Variants in DYRK1A observed in about 807,000 individuals in gnomAD.
The protein encoded by DYRK1A is dual specificity tyrosine phosphorylation regulated kinase 1A.
In DYRK1A, 9 loss-of-function variants were observed where a neutral mutation model predicts 79.7. The observed-to-expected ratio is 0.11, with a 90% confidence interval of 0.07 to 0.20. The LOEUF (loss-of-function observed/expected upper bound fraction) is 0.20, where lower values mean the gene tolerates loss of function less well. Among genes scored for constraint, DYRK1A ranks in the 10% least tolerant of loss-of-function variants. DYRK1A has a pLI of 1.00. For synonymous variants in DYRK1A, 349 were observed against 329.7 expected, an observed-to-expected ratio of 1.06 and a Z score of -0.63; for missense variants, 622 against 956.0, an observed-to-expected ratio of 0.65 and a Z score of 4.61.
At chr21:37,477,940 C>T (rs2052458677) in intron 3 of DYRK1A, among the ~76,000 whole-genome samples, 1 of 152,216 alleles carries the variant, frequency 6.6e-6, no homozygotes, top group African/African-American at 2.4e-5. Context: ...GTCTGCATTT[C>T]TACCACTTTA....
intron 2 of DYRK1A, 142 bp downstream of exon 2, chr21:37,420,526 ATTTG>A: frequency 1.3e-6 from 1 of 797,908 alleles, no homozygotes; most frequent in Non-Finnish European, 2.0e-6. Flanking sequence ...TAGTTGGGCT[ATTTG>A]TTAAACTTAC....
chr21:37,459,334 A>C (rs2051762608), intron 2 of DYRK1A, among the ~76,000 whole-genome samples: 1 of 152,232 alleles, frequency 6.6e-6, no homozygotes, highest in South Asian at 2.1e-4. Context: ...AGTTAAACTT[A>C]CTGAAGGCTG....
intron 1 of DYRK1A, among the ~76,000 whole-genome samples, chr21:37,411,975 T>C (rs897410682): frequency 6.6e-6 from 1 of 152,226 alleles, no homozygotes; most frequent in African/African-American, 2.4e-5. Context: ...TTATTGAACA[T>C]GTACTGCGAT....
At chr21:37,505,071 T>C in intron 9 of DYRK1A, 1 of 537,378 alleles carries the variant, frequency 1.9e-6, no homozygotes, top group Non-Finnish European at 3.3e-6. Flanking sequence ...TAAATGATCT[T>C]TATAGCCATT....
intron 9 of DYRK1A, among the ~76,000 whole-genome samples, chr21:37,501,172 T>C (rs1357668031): frequency 4.9e-5 from 7 of 141,744 alleles, no homozygotes; most frequent in Non-Finnish European, 1.1e-4. Flanking sequence ...GTTGGTTTTT[T>C]TTTTTTTTTT....
Position 37,373,960 on chromosome 21 carries a change from C to A in DYRK1A, c.-77+6332C>A, listed in dbSNP as rs1053464205. The stretch of plus-strand genomic sequence containing the variant: ...AATAAGTTTATTTTCTGTATTTAAT[C>A]ATTAATTTTTTAAACTATGGTATGT... On this transcript the variant is annotated intron_variant, in intron 1 of 11. Coordinates refer to ENST00000647188, the MANE Select transcript of DYRK1A (RefSeq NM_001347721.2). 2.0e-5 allele frequency among the ~76,000 whole-genome samples: 3 copies of A among 152,270 alleles called. No homozygotes were observed. In the South Asian group the frequency reaches 6.2e-4, roughly 32 times the overall value.
intron 2 of DYRK1A, among the ~76,000 whole-genome samples, chr21:37,440,575 T>C (rs549566947): frequency 2.6e-5 from 4 of 152,378 alleles, no homozygotes; most frequent in East Asian, 3.9e-4. Flanking sequence ...AATTTTGATA[T>C]ATTTTATTTT....
At chr21:37,438,602 G>C (rs1252123379) in intron 2 of DYRK1A, among the ~76,000 whole-genome samples, 1 of 152,040 alleles carries the variant, frequency 6.6e-6, no homozygotes, top group Non-Finnish European at 1.5e-5. Flanking sequence ...CCACTGAATT[G>C]CCTTTGCACC....
intron 9 of DYRK1A, among the ~76,000 whole-genome samples, chr21:37,499,541 TC>T (rs1226631986): frequency 6.6e-6 from 1 of 152,228 alleles, no homozygotes; most frequent in Non-Finnish European, 1.5e-5. Flanking sequence ...TATTAAGTCT[TC>T]CACTCTGTAA....
intron 1 of DYRK1A, among the ~76,000 whole-genome samples, chr21:37,370,934 T>C (rs541811999): frequency 3.3e-5 from 5 of 152,308 alleles, no homozygotes; most frequent in Admixed American, 6.5e-5. Flanking sequence ...ATATGGTGGT[T>C]TTGCCTTTTA....
At position 37,476,825 on chromosome 21, in the gene DYRK1A, C is replaced by CCCG. The variant is rs1555978527; in HGVS notation, c.208-1381_208-1380insGCC. ...AGTATAATCACCAAGGGTTCCCCCC[C>CCCG]CCCCCAACCTTATTTGGAATTAAGA... On this transcript the variant is annotated intron_variant, in intron 3 of 11. Coordinates refer to ENST00000647188, the MANE Select transcript of DYRK1A (RefSeq NM_001347721.2). Among the ~76,000 whole-genome samples, 94 of 145,628 alleles carry CCCG rather than the reference C, an allele frequency of 6.5e-4. 2 individuals are homozygous for CCCG. Among genetic ancestry groups the CCCG allele is most frequent in the African/African-American group, 2.2e-3 (84 of 38,106 alleles).
At chr21:37,474,423 A>C (rs2052329430) in intron 3 of DYRK1A, among the ~76,000 whole-genome samples, 1 of 152,220 alleles carries the variant, frequency 6.6e-6, no homozygotes, top group Non-Finnish European at 1.5e-5. Flanking sequence ...AATAATACTC[A>C]GCCAAATATT....
intron 2 of DYRK1A, among the ~76,000 whole-genome samples, chr21:37,468,773 T>A (rs1282032194): frequency 6.6e-6 from 1 of 152,180 alleles, no homozygotes; most frequent in East Asian, 1.9e-4. Flanking sequence ...AATAGATTTT[T>A]TTCATGACTT....
At chr21:37,382,256 CTT>C (rs1288735614) in intron 1 of DYRK1A, among the ~76,000 whole-genome samples, 1 of 150,642 alleles carries the variant, frequency 6.6e-6, no homozygotes, top group African/African-American at 2.4e-5. Flanking sequence ...AGTGATCTCA[CTT>C]TTACGGGGAT....
At chr21:37,369,173 A>G (rs1354937889) in intron 1 of DYRK1A, among the ~76,000 whole-genome samples, 3 of 152,192 alleles carry the variant, frequency 2.0e-5, no homozygotes, top group Admixed American at 2.0e-4. Flanking sequence ...TTATGTGTCC[A>G]AAGTATTAAT....
chr21:37,502,347 C>CT (rs763728321), intron 9 of DYRK1A: 1 of 151,922 alleles, frequency 6.6e-6, no homozygotes, highest in African/African-American at 2.4e-5. Flanking sequence ...TCTTTCCTGC[C>CT]TTTTGCGGGG....
At chr21:37,396,238 A>AG (rs2049957660) in intron 1 of DYRK1A, among the ~76,000 whole-genome samples, 1 of 151,704 alleles carries the variant, frequency 6.6e-6, no homozygotes, top group African/African-American at 2.4e-5. Context: ...TTGGGGATGG[A>AG]GGGCAGTAGT....
At chr21:37,493,260 G>A in intron 8 of DYRK1A, 97 bp downstream of exon 8, 1 of 1,240,552 alleles carries the variant, frequency 8.1e-7, no homozygotes. Context: ...AGGCAAAGAT[G>A]TCTACTTAAT....
At chr21:37,472,997 A>G (rs2052280207) in intron 3 of DYRK1A, 117 bp downstream of exon 3, 1 of 776,420 alleles carries the variant, frequency 1.3e-6, no homozygotes, top group East Asian at 3.0e-5. Context: ...GCAACGTGGG[A>G]TTATGGATTG....
Sources: allele counts gnomAD v4.1 joint callset (sites outside exome capture counted in the v4.1 genomes callset), GRCh38; gene constraint gnomAD v4.1.1; transcripts MANE v1.5; gene names NCBI Gene and HGNC (gene_info 2026-07-23, HGNC 2026-07-21).